DACH2: variants seen among roughly 807,000 people sequenced by gnomAD.
DACH2 encodes dachshund homolog 2.
DACH2 carries 17 observed loss-of-function variants against 35.8 expected under a neutral mutation model. The observed-to-expected ratio is 0.48, with a 90% confidence interval of 0.33 to 0.71. The LOEUF is 0.71. DACH2 is among the 30% of genes least tolerant of loss of function. The pLI is 0.02. For synonymous variants in DACH2, 195 were observed against 177.3 expected (o/e 1.10, Z -0.79); for missense variants, 469 against 472.7 (o/e 0.99, Z 0.07).
chrX:86,651,819 A>G (rs942658439), intron 4 of DACH2, among the ~76,000 whole-genome samples: 3 of 112,091 alleles, frequency 2.7e-5, no homozygotes, highest in African/African-American at 9.8e-5. Flanking sequence ...AGGTGGGATT[A>G]TAACTATCAA....
chrX:86,591,235 G>A (rs1015587234), intron 3 of DACH2, among the ~76,000 whole-genome samples: 4 of 111,507 alleles, frequency 3.6e-5, no homozygotes, highest in South Asian at 3.7e-4. Context: ...TTGGATATTT[G>A]GGTTGGTTCC....
At chrX:86,444,379 C>A (rs1201839304) in intron 2 of DACH2, among the ~76,000 whole-genome samples, 1 of 111,899 alleles carries the variant, frequency 8.9e-6, no homozygotes, top group Non-Finnish European at 1.9e-5. Flanking sequence ...CTTGAGCCAT[C>A]GTGTGTGGCT....
At chrX:86,433,994 A>G (rs2037026450) in intron 2 of DACH2, among the ~76,000 whole-genome samples, 1 of 111,739 alleles carries the variant, frequency 8.9e-6, no homozygotes, top group Non-Finnish European at 1.9e-5. Context: ...ATCAAGTAAT[A>G]TGACAGACAT....
intron 7 of DACH2, among the ~76,000 whole-genome samples, chrX:86,805,938 TAA>T (rs34879769): frequency 0.33 from 36,060 of 110,194 alleles, 4,820 homozygotes; most frequent in Non-Finnish European, 0.42. Flanking sequence ...CACAACAATT[TAA>T]AAAGTCTCTA....
At chrX:86,751,349 C>T (rs1162130086) in intron 7 of DACH2, among the ~76,000 whole-genome samples, 8 of 110,569 alleles carry the variant, frequency 7.2e-5, no homozygotes, top group Non-Finnish European at 1.5e-4. Flanking sequence ...TGTTTCATCA[C>T]ATAAACAGAA....
At chrX:86,567,140 A>G (rs2039303255) in intron 3 of DACH2, among the ~76,000 whole-genome samples, 1 of 111,955 alleles carries the variant, frequency 8.9e-6, no homozygotes, top group Admixed American at 9.5e-5. Context: ...GAATGAGGGT[A>G]TAATCAAAAC....
intron 7 of DACH2, among the ~76,000 whole-genome samples, chrX:86,758,737 G>C (rs763692314): frequency 1.8e-5 from 2 of 111,735 alleles, no homozygotes; most frequent in South Asian, 7.4e-4. Context: ...ATGTCTGTTA[G>C]GTCTATTTGG....
At chrX:86,266,395 C>A (rs192808507) in intron 1 of DACH2, among the ~76,000 whole-genome samples, 1 of 111,722 alleles carries the variant, frequency 9.0e-6, no homozygotes, top group East Asian at 2.8e-4. Context: ...ACAATAAGTC[C>A]CTGAGCTTTA....
chrX:86,359,675 G>C (rs1417081416), intron 1 of DACH2, among the ~76,000 whole-genome samples: 2 of 110,797 alleles, frequency 1.8e-5, no homozygotes, highest in African/African-American at 6.6e-5. Flanking sequence ...CTTGAGCCCA[G>C]CTGGTCAAAA....
At chrX:86,753,999 G>C (rs533374593) in intron 7 of DACH2, among the ~76,000 whole-genome samples, 1 of 109,119 alleles carries the variant, frequency 9.2e-6, no homozygotes, top group East Asian at 2.8e-4. Flanking sequence ...GAGCATCACA[G>C]AAACAGCTAA....
At chrX:86,237,600 A>T (rs1420379582) in intron 1 of DACH2, among the ~76,000 whole-genome samples, 1 of 111,252 alleles carries the variant, frequency 9.0e-6, no homozygotes, top group Non-Finnish European at 1.9e-5. Flanking sequence ...TGTTCCACCC[A>T]TTTGGCCTGG....
At chrX:86,362,008 A>G (rs773919155) in intron 1 of DACH2, among the ~76,000 whole-genome samples, 2 of 111,310 alleles carry the variant, frequency 1.8e-5, no homozygotes, top group Non-Finnish European at 3.8e-5. Context: ...AATTTCATCT[A>G]TATTAGTAAA....
chrX:86,784,674 A>G (rs1360623977), intron 7 of DACH2, among the ~76,000 whole-genome samples: 1 of 111,930 alleles, frequency 8.9e-6, no homozygotes, highest in Non-Finnish European at 1.9e-5. Flanking sequence ...AAGACACATG[A>G]GTGCATATGT....
At chrX:86,730,263 A>G (rs2041518117) in intron 6 of DACH2, among the ~76,000 whole-genome samples, 1 of 112,015 alleles carries the variant, frequency 8.9e-6, no homozygotes. Context: ...TACAAATCAT[A>G]CTTATTTCTA....
In DACH2 at chrX:86,602,287, A is replaced by G. The variant is rs763671773; in HGVS notation, c.641-48749A>G. Reference sequence around the variant, plus strand: ...TTTTTGTTGCTTATGGTTTCTGCCAATTGCAAATATACCTTCTATAAACAT... The same window carrying G: ...TTTTTGTTGCTTATGGTTTCTGCCAGTTGCAAATATACCTTCTATAAACAT... On this transcript the variant is annotated intron_variant, in intron 3 of 11. Coordinates refer to ENST00000373125, the MANE Select transcript of DACH2 (RefSeq NM_053281.3). Among the ~76,000 whole-genome samples the G allele has an allele frequency of 8.0e-4, 90 of 112,260 alleles. No individual in the cohort carries two copies. In the Middle Eastern group the frequency reaches 0.014, roughly 17 times the overall value.
intron 1 of DACH2, among the ~76,000 whole-genome samples, chrX:86,185,990 A>T (rs1485722887): frequency 2.7e-5 from 3 of 112,388 alleles, no homozygotes; most frequent in Non-Finnish European, 5.6e-5. Context: ...GTCCTCACAA[A>T]ACCTTACAAG....
chrX:86,743,322 A>C (rs6623766), intron 7 of DACH2, among the ~76,000 whole-genome samples: 15 of 109,663 alleles, frequency 1.4e-4, no homozygotes, highest in Non-Finnish European at 2.7e-4. Context: ...AAGATAGAGA[A>C]AGTAAGAATT....
chrX:86,613,221 A>G (rs765246691), intron 3 of DACH2, among the ~76,000 whole-genome samples: 32 of 111,671 alleles, frequency 2.9e-4, no homozygotes, highest in East Asian at 5.6e-4. Context: ...AAAAAAATCT[A>G]TAGTTTATTT....
At chrX:86,485,166 T>A (rs755460771) in intron 2 of DACH2, among the ~76,000 whole-genome samples, 2 of 112,037 alleles carry the variant, frequency 1.8e-5, no homozygotes, top group East Asian at 5.6e-4. Flanking sequence ...TACAAGCATT[T>A]TTTCCTCTTT....
Sources: allele counts gnomAD v4.1 joint callset (sites outside exome capture counted in the v4.1 genomes callset), GRCh38; gene constraint gnomAD v4.1.1; transcripts MANE v1.5; gene names NCBI Gene and HGNC (gene_info 2026-07-23, HGNC 2026-07-21).